Variants in SRRM4 observed in about 807,000 individuals in gnomAD.
SRRM4 encodes serine/arginine repetitive matrix protein 4.
In SRRM4, 33 loss-of-function variants were observed where a neutral mutation model predicts 68.9. That is an observed-to-expected ratio of 0.48 (90% CI 0.36 to 0.64). SRRM4 has a LOEUF of 0.64. SRRM4 is among the 30% of genes least tolerant of loss of function. The probability of loss-of-function intolerance (pLI) is 0.00; values close to 1 mark genes in which losing one functional copy is unlikely to be tolerated. For missense variants in SRRM4, 817 were observed against 827.1 expected, an observed-to-expected ratio of 0.99 and a Z score of 0.15; for synonymous variants, 318 against 318.8, an observed-to-expected ratio of 1.00 and a Z score of 0.03.
In SRRM4 at chr12:119,154,509, TC is replaced by T. The variant is rs1954460609; in HGVS notation, c.1532+132del. On this transcript the variant is annotated intron_variant, in intron 12 of 12. Coordinates refer to ENST00000267260, the MANE Select transcript of SRRM4 (RefSeq NM_194286.4). The surrounding 1 kb of genome is among the most constrained non-coding windows in gnomAD (Gnocchi z 4.7). The stretch of plus-strand genomic sequence containing the variant: ...GATTTAGGATTGTGCGAGCTTATGG[TC>T]CCCCCAACCCCAACATCATTGAAAT... 6 of 1,053,490 alleles carry T rather than the reference TC, an allele frequency of 5.7e-6. No individual in the cohort carries two copies. The East Asian group carries it at 7.9e-5, about 14-fold the overall frequency. The allele number at this position is 1,053,490 out of a possible 1,614,324, so 65.3% of individuals were successfully genotyped here.
intron 1 of SRRM4, among the ~76,000 whole-genome samples, chr12:119,076,852 A>G (rs1953919426): frequency 6.6e-6 from 1 of 152,200 alleles, no homozygotes. Flanking sequence ...ATCAATACTA[A>G]TAACTTGTAG....
intron 1 of SRRM4, among the ~76,000 whole-genome samples, chr12:119,047,369 G>A (rs990478804): frequency 1.3e-5 from 2 of 151,930 alleles, no homozygotes; most frequent in Non-Finnish European, 2.9e-5. Context: ...TGGGGAACAG[G>A]TGGTGCTTGG....
chr12:119,145,218 T>C (rs923712107), intron 8 of SRRM4, among the ~76,000 whole-genome samples, 163 bp from the exon 9 acceptor site: 1 of 152,212 alleles, frequency 6.6e-6, no homozygotes, highest in Non-Finnish European at 1.5e-5. Context: ...GTGGTATTCC[T>C]TCAGGAATTT....
At chr12:119,061,333 G>A (rs1953810938) in intron 1 of SRRM4, among the ~76,000 whole-genome samples, 1 of 152,184 alleles carries the variant, frequency 6.6e-6, no homozygotes, top group African/African-American at 2.4e-5. Context: ...GCACTTGGGT[G>A]TGTTGGCAGA....
intron 1 of SRRM4, among the ~76,000 whole-genome samples, chr12:119,048,684 G>C (rs1953722870): frequency 6.6e-6 from 1 of 152,280 alleles, no homozygotes; most frequent in Middle Eastern, 3.4e-3. Flanking sequence ...CAGCACTTTG[G>C]GAGGCCGAGG....
At chr12:118,984,813 G>C (rs1353124538) in intron 1 of SRRM4, among the ~76,000 whole-genome samples, 1 of 152,072 alleles carries the variant, frequency 6.6e-6, no homozygotes, top group Non-Finnish European at 1.5e-5. Context: ...GAGCAGAGTG[G>C]GAAGCAGTAT....
chr12:119,019,996 C>A (rs2136001266), intron 1 of SRRM4, among the ~76,000 whole-genome samples: 1 of 140,596 alleles, frequency 7.1e-6, no homozygotes, highest in East Asian at 2.2e-4. Context: ...AGCACCCAGG[C>A]TGCTGCTTAA....
At chr12:119,066,461 C>T (rs560847980) in intron 1 of SRRM4, among the ~76,000 whole-genome samples, 1 of 152,302 alleles carries the variant, frequency 6.6e-6, no homozygotes, top group East Asian at 1.9e-4. Flanking sequence ...ATGTGGCCCC[C>T]ATGTCAGCAG....
At chr12:119,002,869 C>A (rs1953393368) in intron 1 of SRRM4, among the ~76,000 whole-genome samples, 1 of 152,020 alleles carries the variant, frequency 6.6e-6, no homozygotes, top group Non-Finnish European at 1.5e-5. Flanking sequence ...ACAGTAACAC[C>A]CAGCATCTAT....
Position 119,147,807 on chromosome 12 carries a change from G to A in SRRM4, c.1076+2122G>A, listed in dbSNP as rs369531856. ...TATGAGCCAGTTGTAATTCTACTTC[G>A]TCATCCGCTTAACTCTCTCACTCAA... On this transcript the variant is annotated intron_variant, in intron 9 of 12. Coordinates refer to ENST00000267260, the MANE Select transcript of SRRM4 (RefSeq NM_194286.4). Among the ~76,000 whole-genome samples the A allele has an allele frequency of 3.9e-4, 60 of 152,178 alleles. 1 individual carries two copies. Among genetic ancestry groups the A allele is most frequent in the African/African-American group, 1.4e-3 (58 of 41,502 alleles).
chr12:119,145,484 C>A lies in SRRM4; in HGVS notation c.875C>A (p.Ser292Tyr), dbSNP rs1409163031. The change falls in exon 9 of 13, where the codon TCC becomes TAC. Residue 292 changes from serine (S) to tyrosine (Y), a missense_variant. Physicochemically the swap from Ser to Tyr is moderately radical, Grantham distance 144. Transcript: ENST00000267260. ...GAGTACGACTCAGGAAATGACACGT[C>A]CTCGCCACCCTCCACGCAAACCAGC... Reference protein sequence around the residue: ...SQEYDSGNDTSSPPSTQTSSA... With the variant: ...SQEYDSGNDTYSPPSTQTSSA... The A allele has an allele frequency of 3.1e-6, 5 of 1,610,454 alleles. No homozygotes were observed. The highest frequency in any genetic ancestry group is 4.2e-6 in the Non-Finnish European group (5 of 1,178,476).
Position 119,099,237 on chromosome 12 carries a change from C to T in SRRM4, c.132-2999C>T, listed in dbSNP as rs542824140. Reference sequence around the variant, plus strand: ...GCAACCTCTGCTTCCTGGGTTCAAGCGATTCTCCTGCCTCAGCCTCCTGAG... The same window carrying T: ...GCAACCTCTGCTTCCTGGGTTCAAGTGATTCTCCTGCCTCAGCCTCCTGAG... On this transcript the variant is annotated intron_variant, in intron 1 of 12. Transcript: ENST00000267260. Among the ~76,000 whole-genome samples the T allele has an allele frequency of 4.6e-5, 7 of 152,256 alleles. 1 individual carries two copies. The highest frequency in any genetic ancestry group is 2.1e-4 in the South Asian group (1 of 4,816).
At chr12:119,011,196 G>GA (rs1321498198) in intron 1 of SRRM4, among the ~76,000 whole-genome samples, 1 of 150,900 alleles carries the variant, frequency 6.6e-6, no homozygotes, top group Non-Finnish European at 1.5e-5. Flanking sequence ...ACATGAATTT[G>GA]AAAAAAAAGG....
chr12:119,047,510 A>G (rs1320416826), intron 1 of SRRM4, among the ~76,000 whole-genome samples: 1 of 152,130 alleles, frequency 6.6e-6, no homozygotes, highest in Non-Finnish European at 1.5e-5. Context: ...CCAAGTCCCC[A>G]AAGTCCATTG....
intron 1 of SRRM4, among the ~76,000 whole-genome samples, chr12:118,991,345 C>T (rs916181739): frequency 2.0e-5 from 3 of 152,212 alleles, no homozygotes; most frequent in African/African-American, 4.8e-5. Flanking sequence ...ATACCTACTC[C>T]ACTTTCCAGA....
chr12:119,130,911 G>C (rs183464085), intron 8 of SRRM4, 77 bp downstream of exon 8: 2 of 1,443,872 alleles, frequency 1.4e-6, no homozygotes, highest in Admixed American at 2.1e-5. Context: ...GTTCAGGGCA[G>C]TGTATGGTAC....
chr12:119,017,586 C>T (rs1309847063), intron 1 of SRRM4, among the ~76,000 whole-genome samples: 2 of 151,922 alleles, frequency 1.3e-5, no homozygotes, highest in Admixed American at 6.6e-5. Context: ...GGGGAGGAGA[C>T]GTGGGTGGTG....
intron 9 of SRRM4, 123 bp downstream of exon 9, chr12:119,145,808 C>T: frequency 2.2e-6 from 2 of 908,170 alleles, no homozygotes; most frequent in Non-Finnish European, 3.1e-6. Flanking sequence ...AGAGATGAAA[C>T]TCAACTCAGA....
intron 7 of SRRM4, among the ~76,000 whole-genome samples, chr12:119,128,721 G>A (rs1237795034): frequency 2.6e-5 from 4 of 152,192 alleles, no homozygotes; most frequent in Non-Finnish European, 5.9e-5. Context: ...CCAGGTTAGT[G>A]TGACTCAGCC....
Sources: allele counts gnomAD v4.1 joint callset (sites outside exome capture counted in the v4.1 genomes callset), GRCh38; gene constraint gnomAD v4.1.1; non-coding constraint Gnocchi (gnomAD v3.1); transcripts MANE v1.5; gene names NCBI Gene and HGNC (gene_info 2026-07-23, HGNC 2026-07-21).